Variants in EVC observed in about 807,000 individuals in gnomAD.
The protein encoded by EVC is evC complex member EVC.
Under a neutral mutation model 118.9 loss-of-function variants are expected in EVC, and 116 were observed. The ratio of observed to expected loss-of-function variants is 0.98; its 90% CI spans 0.84 to 1.14. EVC has a LOEUF of 1.14. Among genes scored for constraint, EVC ranks in the 50% most tolerant of loss-of-function variants. EVC has a pLI of 0.00. For missense variants in EVC, 1,401 were observed against 1,246.4 expected (o/e 1.12, Z -1.87); for synonymous variants, 619 against 534.7 (o/e 1.16, Z -2.18).
At chr4:5,774,220 C>T (rs1168025954) in intron 11 of EVC, among the ~76,000 whole-genome samples, 1 of 151,608 alleles carries the variant, frequency 6.6e-6, no homozygotes, top group East Asian at 2.0e-4. Flanking sequence ...CCTCCCATCT[C>T]TCCCCTCCTC....
rs4045512 is a variant in EVC at position 5,805,891 on chromosome 4, C to CTTTTTTTT, written c.2561+1061_2561+1068dup. ...CTTGAATTCAGAGGCAGTTTCTTTT[C>CTTTTTTTT]TTTTTTTTTTTTTTTTTTGAAGGAG... On this transcript the variant is annotated intron_variant, in intron 17 of 20. Transcript: ENST00000264956. Among the ~76,000 whole-genome samples the CTTTTTTTT allele has an allele frequency of 5.3e-3, 653 of 123,166 alleles. 2 individuals carry two copies. The highest frequency in any genetic ancestry group is 8.4e-3 in the Non-Finnish European group (504 of 60,144). 80.8% of individuals were successfully genotyped at this position (123,166 alleles called of 152,430 possible).
chr4:5,827,713 ACATACACACATGTGCGCGTG>A, the EVC span, among the ~76,000 whole-genome samples: 1 of 146,894 alleles, frequency 6.8e-6, no homozygotes, highest in African/African-American at 2.7e-5. Flanking sequence ...ACACGCATAG[ACATACACACATGTGCGCGTG>A]CACACACACA....
rs1279993290 is a variant in EVC at position 5,797,143 on chromosome 4, C to G, written c.2008C>G (p.Leu670Val). 2 of 1,613,644 alleles carry G rather than the reference C, an allele frequency of 1.2e-6. No individual in the cohort carries two copies. The highest frequency in any genetic ancestry group is 3.3e-5 in the Admixed American group (2 of 60,034). ...TQMRLSGKKH[L>V]LQELREQRAL... ...GATGCGGCTATCGGGGAAGAAGCAC[C>G]TCCTGCAGGAGCTGCGGGAACAGCG... Residue 670 changes from leucine to valine, a missense_variant, in exon 14 of 21, where the codon CTC (leucine) becomes GTC (valine). By Grantham distance (32) the Leu-to-Val change is conservative (BLOSUM62 1). Coordinates refer to ENST00000264956, the MANE Select transcript of EVC (RefSeq NM_153717.3).
At chr4:5,805,379 C>T (rs1476341580) in intron 17 of EVC, among the ~76,000 whole-genome samples, 2 of 152,194 alleles carry the variant, frequency 1.3e-5, no homozygotes, top group African/African-American at 2.4e-5. Context: ...CTCTGTGCCT[C>T]ACAAGGCCTG....
chr4:5,745,269 T>G lies in EVC; in HGVS notation c.867T>G (p.Gly289=), dbSNP rs758866277. The change falls in exon 7 of 21, where the codon GGT becomes GGG. Residue 289 remains glycine, a synonymous_variant. Transcript: ENST00000264956. ...KLSNTEMSGA[G]DSEYITLADV... ...CAAACACAGAAATGTCGGGGGCTGG[T>G]GACTCTGAGTACATCACCCTGGCTG... 1.1e-5 allele frequency: 17 copies of G among 1,613,928 alleles called. No individual in the cohort carries two copies. Among genetic ancestry groups the G allele is most frequent in the African/African-American group, 4.0e-5 (3 of 74,884 alleles).
rs1724626995 is a variant in EVC at position 5,719,717 on chromosome 4, T to A, written c.300+344T>A. Among the ~76,000 whole-genome samples, 1 of 152,196 alleles carries A rather than the reference T, an allele frequency of 6.6e-6. No homozygotes were observed. The highest frequency in any genetic ancestry group is 2.1e-4 in the South Asian group (1 of 4,834). On this transcript the variant is annotated intron_variant, in intron 2 of 20. Coordinates refer to ENST00000264956, the MANE Select transcript of EVC (RefSeq NM_153717.3). This position sits in a 1 kb window ranked among gnomAD's most constrained non-coding sequence, Gnocchi z 4.7. ...GATTGGTTCTGCAGTTCTGGAACCT[T>A]ATGCAAATGGAATTGTGCTGTTCTG...
chr4:5,721,603 C>T (rs754700205), intron 2 of EVC, among the ~76,000 whole-genome samples: 2 of 152,192 alleles, frequency 1.3e-5, no homozygotes, highest in Non-Finnish European at 2.9e-5. Flanking sequence ...CATGGTGGCT[C>T]ATGCCTGTAA....
downstream of EVC, among the ~76,000 whole-genome samples, chr4:5,819,126 T>C (rs964679814): frequency 9.2e-5 from 14 of 152,294 alleles, no homozygotes; most frequent in African/African-American, 3.4e-4. Flanking sequence ...TCCTACCTTA[T>C]ATTGTACATA....
rs1321918996 is a variant in EVC, at chr4:5,756,014, GC to G, written c.1465-246del. Among the ~76,000 whole-genome samples, 1 of 152,176 alleles carries G rather than the reference GC, an allele frequency of 6.6e-6. No individual in the cohort carries two copies. Among genetic ancestry groups the G allele is most frequent in the Non-Finnish European group, 1.5e-5 (1 of 68,024 alleles). ...GAGGAGTGACAGAAGTGGTCCAGTG[GC>G]CCCTCCTCATCCTGGCTTTAACAAA... is the stretch of plus-strand genomic sequence containing the variant. On this transcript the variant is annotated intron_variant, in intron 10 of 20. Transcript: ENST00000264956. The surrounding 1 kb of genome is among the most constrained non-coding windows in gnomAD (Gnocchi z 4.2).
At chr4:5,815,432 T>G (rs573277804), downstream of EVC, among the ~76,000 whole-genome samples, 1 of 152,186 alleles carries the variant, frequency 6.6e-6, no homozygotes, top group East Asian at 1.9e-4. Flanking sequence ...ACCAGTGAGG[T>G]CCAGGTGCTT....
chr4:5,775,835 C>T (rs1275164834), intron 11 of EVC, among the ~76,000 whole-genome samples: 6 of 152,102 alleles, frequency 3.9e-5, no homozygotes, highest in Non-Finnish European at 7.4e-5. Flanking sequence ...ATTTATATCT[C>T]ATATAGTTGT....
At chr4:5,791,102 A>T (rs1194514033) in intron 12 of EVC, among the ~76,000 whole-genome samples, 1 of 152,192 alleles carries the variant, frequency 6.6e-6, no homozygotes, top group African/African-American at 2.4e-5. Flanking sequence ...TCTCAAAAAG[A>T]AAAAAAGAAA....
chr4:5,800,447 G>A (rs551518392), intron 15 of EVC, among the ~76,000 whole-genome samples: 13 of 152,298 alleles, frequency 8.5e-5, no homozygotes, highest in African/African-American at 3.1e-4. Flanking sequence ...GAACACTAGT[G>A]CAAATGTGTG....
At chr4:5,816,139 G>T (rs17748291), downstream of EVC, among the ~76,000 whole-genome samples, 1 of 152,080 alleles carries the variant, frequency 6.6e-6, no homozygotes, top group South Asian at 2.1e-4. Context: ...CTGGGGATCT[G>T]TTTTTTCCCC....
chr4:5,769,690 G>T (rs1190535297), intron 11 of EVC, among the ~76,000 whole-genome samples: 2 of 152,102 alleles, frequency 1.3e-5, no homozygotes, highest in African/African-American at 4.8e-5. Context: ...CTGTCTGACT[G>T]TCCCCCCATA....
downstream of EVC, among the ~76,000 whole-genome samples, chr4:5,817,221 G>C (rs929446811): frequency 6.6e-6 from 1 of 152,244 alleles, no homozygotes; most frequent in African/African-American, 2.4e-5. Flanking sequence ...CAGTGGCCTG[G>C]ATGGGGGAGG....
intron 8 of EVC, among the ~76,000 whole-genome samples, chr4:5,752,426 C>T (rs1328343104): frequency 1.3e-5 from 2 of 152,164 alleles, no homozygotes; most frequent in East Asian, 3.9e-4. Flanking sequence ...CTAACAAAAG[C>T]CAGGAACTGC....
At chr4:5,759,559 T>C (rs1731690543) in intron 11 of EVC, among the ~76,000 whole-genome samples, 1 of 152,176 alleles carries the variant, frequency 6.6e-6, no homozygotes, top group Non-Finnish European at 1.5e-5. Flanking sequence ...GGTAGCTTAT[T>C]GGATTCTCAC....
At chr4:5,776,735 C>T (rs1040780283) in intron 11 of EVC, among the ~76,000 whole-genome samples, 1 of 152,148 alleles carries the variant, frequency 6.6e-6, no homozygotes, top group Non-Finnish European at 1.5e-5. Flanking sequence ...TTCTTCTGAT[C>T]TATTTTCCAG....
Sources: gnomAD v4.1 joint callset for allele counts (sites outside exome capture counted in the v4.1 genomes callset) on GRCh38, gnomAD v4.1.1 for gene constraint, Gnocchi (gnomAD v3.1) non-coding constraint, MANE v1.5 for transcripts, NCBI Gene and HGNC (gene_info 2026-07-23, HGNC 2026-07-21) for gene names.